Variants in DPF3 observed in about 807,000 individuals in gnomAD.
DPF3 encodes double PHD fingers 3.
DPF3 carries 18 observed loss-of-function variants against 56.8 expected under a neutral mutation model. That is an observed-to-expected ratio of 0.32 (90% CI 0.22 to 0.47). The LOEUF (loss-of-function observed/expected upper bound fraction) is 0.47, where lower values mean the gene tolerates loss of function less well. Among genes scored for constraint, DPF3 ranks in the 20% least tolerant of loss-of-function variants. The pLI is 1.00. For missense variants in DPF3, 403 were observed against 488.8 expected (o/e 0.82, Z 1.65); for synonymous variants, 188 against 180.2 (o/e 1.04, Z -0.35).
intron 6 of DPF3, among the ~76,000 whole-genome samples, chr14:72,708,517 T>C (rs1210557692): frequency 6.6e-6 from 1 of 152,174 alleles, no homozygotes; most frequent in Non-Finnish European, 1.5e-5. Flanking sequence ...GAAGGCCGCG[T>C]TATTGGCTTT....
intron 1 of DPF3, among the ~76,000 whole-genome samples, chr14:72,791,658 G>A (rs935057858): frequency 9.9e-5 from 15 of 152,242 alleles, no homozygotes. Flanking sequence ...AATATCATTT[G>A]TTGAGCAACT....
Position 72,649,652 on chromosome 14 carries a change from T to A in DPF3, c.872-19916A>T, listed in dbSNP as rs1026275708. Among the ~76,000 whole-genome samples the A allele has an allele frequency of 4.3e-4, 32 of 74,872 alleles. No individual in the cohort carries two copies. In the South Asian group the frequency reaches 0.015, roughly 35 times the overall value. The allele number at this position is 74,872 out of a possible 152,430, so 49.1% of individuals were successfully genotyped here. A position where few individuals can be genotyped will look rare whatever the true frequency, so the allele number is the denominator to read the frequency against. On this transcript the variant is annotated intron_variant, in intron 8 of 10. Coordinates refer to ENST00000556509, the MANE Select transcript of DPF3 (RefSeq NM_001280542.3). ...TGCAGAAACTCAATTGTCTCACTCA[T>A]CCCTGGGTGGGGGGGGGGATTAATG...
At chr14:72,715,468 C>T (rs761597587) in intron 5 of DPF3, among the ~76,000 whole-genome samples, 112 of 152,220 alleles carry the variant, frequency 7.4e-4, no homozygotes, top group Middle Eastern at 3.4e-3. Flanking sequence ...AAGGGCCTGT[C>T]GGGGTCTTTG....
At chr14:72,765,714 G>A (rs111685980) in intron 2 of DPF3, among the ~76,000 whole-genome samples, 5,138 of 152,284 alleles carry the variant, frequency 0.034, 222 homozygotes, top group African/African-American at 0.1. Flanking sequence ...TTGGGAGGCC[G>A]AGGCGGGTGG....
At chr14:72,692,626 A>G (rs1887737394) in intron 7 of DPF3, among the ~76,000 whole-genome samples, 1 of 152,128 alleles carries the variant, frequency 6.6e-6, no homozygotes. Flanking sequence ...CCTCCCCTCT[A>G]CAACAAAACC....
chr14:72,686,862 T>A (rs959297137), intron 7 of DPF3, among the ~76,000 whole-genome samples: 3 of 152,218 alleles, frequency 2.0e-5, no homozygotes, highest in Non-Finnish European at 4.4e-5. Flanking sequence ...TCAGTCACCT[T>A]TCAGAGTAAT....
Position 72,714,518 on chromosome 14 carries a change from G to A in DPF3, c.526-17C>T, listed in dbSNP as rs752312516. ...GCCGCGAGCCTGGGGAGACATTGGG[G>A]TACAGGATGCTTGTTACCATGGTCA... On this transcript the variant is annotated splice_polypyrimidine_tract_variant and intron_variant, in intron 5 of 10. Coordinates refer to ENST00000556509, the MANE Select transcript of DPF3 (RefSeq NM_001280542.3). 8 of 1,613,280 alleles carry A rather than the reference G, an allele frequency of 5.0e-6. No individual in the cohort carries two copies. The highest frequency in any genetic ancestry group is 6.8e-6 in the Non-Finnish European group (8 of 1,179,600).
chr14:72,709,544 G>A (rs1204081076), intron 6 of DPF3, among the ~76,000 whole-genome samples: 1 of 152,168 alleles, frequency 6.6e-6, no homozygotes, highest in East Asian at 1.9e-4. Context: ...TAAGTAAGTT[G>A]TGCGTTCTCA....
At chr14:72,643,645 C>G (rs1885627381) in intron 8 of DPF3, among the ~76,000 whole-genome samples, 1 of 152,244 alleles carries the variant, frequency 6.6e-6, no homozygotes, top group Admixed American at 6.5e-5. Flanking sequence ...GCCAGGCCAG[C>G]TATTCCCACT....
At chr14:72,732,233 G>A (rs1473044996) in intron 3 of DPF3, among the ~76,000 whole-genome samples, 2 of 152,254 alleles carry the variant, frequency 1.3e-5, no homozygotes, top group South Asian at 2.1e-4. Context: ...CATGACATCG[G>A]ACAAGGCAGG....
chr14:72,856,523 AG>A (rs1448163545), intron 1 of DPF3, among the ~76,000 whole-genome samples: 1 of 152,172 alleles, frequency 6.6e-6, no homozygotes, highest in Non-Finnish European at 1.5e-5. Flanking sequence ...AGATCTAGGA[AG>A]GGAAACTGCA....
intron 1 of DPF3, among the ~76,000 whole-genome samples, chr14:72,821,131 CTCAAA>C (rs1567244488): frequency 0.015 from 1,848 of 123,230 alleles, 45 homozygotes; most frequent in African/African-American, 0.047. Flanking sequence ...GAAACTCTAT[CTCAAA>C]AAAAAAAAAA....
Position 72,836,618 on chromosome 14 carries a change from C to T in DPF3, c.32+57439G>A, listed in dbSNP as rs374901118. The T allele has an allele frequency of 2.5e-5, 20 of 800,312 alleles. No individual in the cohort carries two copies. In the African/African-American group the frequency reaches 3.0e-4, roughly 12 times the overall value. 49.6% of individuals were successfully genotyped at this position (800,312 alleles called of 1,614,324 possible). On this transcript the variant is annotated intron_variant, in intron 1 of 10. Coordinates refer to ENST00000556509, the MANE Select transcript of DPF3 (RefSeq NM_001280542.3). ...TTTTCCCCCTTTTCTCTGAAGGAAACCTCCTACCCAGTGCTTAGGAGCCCA... is the reference window on the plus strand; with the variant it reads ...TTTTCCCCCTTTTCTCTGAAGGAAATCTCCTACCCAGTGCTTAGGAGCCCA...
intron 1 of DPF3, among the ~76,000 whole-genome samples, chr14:72,783,669 GC>G (rs1892084574): frequency 6.6e-6 from 1 of 152,204 alleles, no homozygotes; most frequent in South Asian, 2.1e-4. Flanking sequence ...GATAAACGAT[GC>G]CATTCAAGAC....
chr14:72,829,896 C>A (rs1334591002), intron 1 of DPF3, among the ~76,000 whole-genome samples: 2 of 152,254 alleles, frequency 1.3e-5, no homozygotes, highest in South Asian at 2.1e-4. Context: ...GCGCCTGCTA[C>A]CACACCCAGC....
At chr14:72,811,487 A>T (rs1883042804) in intron 1 of DPF3, among the ~76,000 whole-genome samples, 1 of 152,122 alleles carries the variant, frequency 6.6e-6, no homozygotes, top group African/African-American at 2.4e-5. Flanking sequence ...TTGATCTTGG[A>T]CTTTTAGCCT....
In DPF3 at chr14:72,614,665, C is replaced by T. The variant is rs1418106227; in HGVS notation, c.*4632G>A. Among the ~76,000 whole-genome samples the T allele has an allele frequency of 6.6e-6, 1 of 150,390 alleles. No individual in the cohort carries two copies. The highest frequency in any genetic ancestry group is 2.5e-5 in the African/African-American group (1 of 40,774). On this transcript the variant is annotated 3_prime_UTR_variant, in exon 11 of 11. Coordinates refer to ENST00000556509, the MANE Select transcript of DPF3 (RefSeq NM_001280542.3). ...CATCCCTGAAACCCCACACAACCAA[C>T]GGGCGGCCTCAAGAAAGAGGGAGCT...
intron 7 of DPF3, among the ~76,000 whole-genome samples, chr14:72,689,586 A>T (rs1446463404): frequency 2.0e-5 from 3 of 152,128 alleles, no homozygotes; most frequent in Non-Finnish European, 4.4e-5. Flanking sequence ...GGCAGGATGG[A>T]TGGGAGCCAC....
At chr14:72,808,177 C>T (rs970227632) in intron 1 of DPF3, among the ~76,000 whole-genome samples, 8 of 152,012 alleles carry the variant, frequency 5.3e-5, no homozygotes, top group African/African-American at 1.9e-4. Context: ...GGTCTGGAAG[C>T]AGGAAGAGAG....
Sources: allele counts gnomAD v4.1 joint callset (sites outside exome capture counted in the v4.1 genomes callset), GRCh38; gene constraint gnomAD v4.1.1; transcripts MANE v1.5; gene names NCBI Gene and HGNC (gene_info 2026-07-23, HGNC 2026-07-21).